Variants in EPB41L4A observed in about 807,000 individuals in gnomAD.
The protein encoded by EPB41L4A is erythrocyte membrane protein band 4.1 like 4A, also known as band 4.1-like protein 4A.
Under a neutral mutation model 108.6 loss-of-function variants are expected in EPB41L4A, and 100 were observed. The observed-to-expected ratio is 0.92, with a 90% confidence interval of 0.78 to 1.09. The LOEUF is 1.09. Among genes scored for constraint, EPB41L4A ranks in the 50% least tolerant of loss-of-function variants. The probability of loss-of-function intolerance (pLI) is 0.00; values close to 1 mark genes in which losing one functional copy is unlikely to be tolerated. For synonymous variants in EPB41L4A, 319 were observed against 289.0 expected, an observed-to-expected ratio of 1.10 and a Z score of -1.05; for missense variants, 1,030 against 842.7, an observed-to-expected ratio of 1.22 and a Z score of -2.75.
At chr5:112,285,629 T>G (rs1464712407) in intron 2 of EPB41L4A, among the ~76,000 whole-genome samples, 2 of 152,096 alleles carry the variant, frequency 1.3e-5, no homozygotes. Context: ...GAGGGAGAGA[T>G]AATTACAACT....
At chr5:112,317,661 A>G (rs994908367) in intron 1 of EPB41L4A, among the ~76,000 whole-genome samples, 2 of 152,240 alleles carry the variant, frequency 1.3e-5, no homozygotes, top group African/African-American at 4.8e-5. Flanking sequence ...CAGATGATGC[A>G]TAAAGTAGCT....
chr5:112,346,620 T>C (rs1049390879), intron 1 of EPB41L4A, among the ~76,000 whole-genome samples: 1 of 152,172 alleles, frequency 6.6e-6, no homozygotes, highest in Non-Finnish European at 1.5e-5. Flanking sequence ...TGAGTATAGA[T>C]CATTCTGGTT....
chr5:112,205,140 G>A (rs987811928), intron 14 of EPB41L4A, among the ~76,000 whole-genome samples: 17 of 152,186 alleles, frequency 1.1e-4, no homozygotes, highest in Non-Finnish European at 2.5e-4. Flanking sequence ...ATGCCATTTA[G>A]AGTTTTCAGA....
chr5:112,165,493 T>A (rs2150189050), intron 22 of EPB41L4A, among the ~76,000 whole-genome samples: 1 of 152,310 alleles, frequency 6.6e-6, no homozygotes, highest in Non-Finnish European at 1.5e-5. Flanking sequence ...CTGATTATAT[T>A]TTCAGTAGTC....
chr5:112,336,578 C>G (rs1318424927), intron 1 of EPB41L4A, among the ~76,000 whole-genome samples: 1 of 152,082 alleles, frequency 6.6e-6, no homozygotes, highest in East Asian at 1.9e-4. Context: ...TTTCCTGGTC[C>G]CCTTGTGATT....
intron 1 of EPB41L4A, among the ~76,000 whole-genome samples, chr5:112,416,621 A>G: frequency 6.6e-6 from 1 of 152,174 alleles, no homozygotes; most frequent in East Asian, 1.9e-4. Context: ...GAAAAACACC[A>G]TAATGGTAGC....
intron 1 of EPB41L4A, among the ~76,000 whole-genome samples, chr5:112,379,646 C>T (rs190695822): frequency 6.6e-5 from 10 of 152,336 alleles, no homozygotes; most frequent in African/African-American, 2.4e-4. Context: ...ATCTCACCAA[C>T]AGCAAACTGC....
At chr5:112,379,712 C>A (rs1011490542) in intron 1 of EPB41L4A, among the ~76,000 whole-genome samples, 2 of 152,176 alleles carry the variant, frequency 1.3e-5, no homozygotes, top group Non-Finnish European at 2.9e-5. Context: ...GAAGTCCTGG[C>A]CAGCATTTAC....
rs183503046 is a variant in EPB41L4A, at chr5:112,402,256, C to T, written c.99+16685G>A. ...GTAGAATGTGTCTGCTTCCCCCTCA[C>T]CTTCCACCACGATTGTAAGTTTCCT... On this transcript the variant is annotated intron_variant, in intron 1 of 22. Coordinates refer to ENST00000261486, the MANE Select transcript of EPB41L4A (RefSeq NM_022140.5). Among the ~76,000 whole-genome samples the T allele has an allele frequency of 3.1e-3, 471 of 152,292 alleles. 3 individuals are homozygous for T. Among genetic ancestry groups the T allele is most frequent in the Middle Eastern group, 0.01 (3 of 294 alleles).
Position 112,354,222 on chromosome 5 carries a change from T to C in EPB41L4A, c.100-46732A>G, listed in dbSNP as rs150183653. 9.3e-3 allele frequency among the ~76,000 whole-genome samples: 1,410 copies of C among 151,400 alleles called. 25 individuals are homozygous for C. Among genetic ancestry groups the C allele is most frequent in the African/African-American group, 0.033 (1,347 of 40,672 alleles). ...ATAAGAACTCATTATACGTTCCTCATCATTATTCCAAATGGATGTTGGAGA... is the reference window on the plus strand; with the variant it reads ...ATAAGAACTCATTATACGTTCCTCACCATTATTCCAAATGGATGTTGGAGA... On this transcript the variant is annotated intron_variant, in intron 1 of 22. Transcript: ENST00000261486.
Position 112,311,472 on chromosome 5 carries a change from A to C in EPB41L4A, c.100-3982T>G, listed in dbSNP as rs1337270726. On this transcript the variant is annotated intron_variant, in intron 1 of 22. Transcript: ENST00000261486. ...ATCTCACAGGCTCTATAGATATCAC[A>C]CTAATGGTTTCCCAGAGCTTTTTAT... Among the ~76,000 whole-genome samples, 49 of 152,302 alleles carry C rather than the reference A, an allele frequency of 3.2e-4. 1 individual carries two copies. Among genetic ancestry groups the C allele is most frequent in the Non-Finnish European group, 1.5e-5 (1 of 68,032 alleles).
intron 12 of EPB41L4A, chr5:112,228,831 G>T: frequency 1.4e-6 from 1 of 726,424 alleles, no homozygotes; most frequent in Non-Finnish European, 1.7e-6. Flanking sequence ...GAATGCTCTG[G>T]CTGCCTGCCC....
chr5:112,245,896 T>C (rs916011097), intron 9 of EPB41L4A, among the ~76,000 whole-genome samples: 2 of 151,802 alleles, frequency 1.3e-5, no homozygotes, highest in Admixed American at 6.6e-5. Context: ...GAAGAGAGAG[T>C]GCAACTCTCA....
intron 9 of EPB41L4A, among the ~76,000 whole-genome samples, chr5:112,246,528 C>T (rs186912487): frequency 8.3e-4 from 126 of 152,248 alleles, no homozygotes; most frequent in Middle Eastern, 3.4e-3. Context: ...CCTGCCTCTC[C>T]TTTTTGGTTC....
At chr5:112,393,237 G>A (rs1025416937) in intron 1 of EPB41L4A, among the ~76,000 whole-genome samples, 1 of 152,062 alleles carries the variant, frequency 6.6e-6, no homozygotes, top group Non-Finnish European at 1.5e-5. Context: ...AAATAACTAA[G>A]ATCAGAGCAG....
intron 6 of EPB41L4A, chr5:112,264,114 T>C (rs1193624524): frequency 2.0e-5 from 3 of 152,218 alleles, no homozygotes; most frequent in African/African-American, 4.8e-5. Flanking sequence ...CGCCCAGCCA[T>C]GTTTTTTTTC....
intron 2 of EPB41L4A, among the ~76,000 whole-genome samples, chr5:112,284,616 G>A (rs1235462584): frequency 6.6e-6 from 1 of 152,146 alleles, no homozygotes; most frequent in Non-Finnish European, 1.5e-5. Flanking sequence ...TTGTAGGAAG[G>A]TAACAATGAA....
chr5:112,176,091 A>G (rs1336113519), intron 18 of EPB41L4A, among the ~76,000 whole-genome samples: 3 of 152,170 alleles, frequency 2.0e-5, no homozygotes, highest in African/African-American at 7.2e-5. Context: ...GTGTTTCTAG[A>G]GAATAACTAA....
intron 3 of EPB41L4A, among the ~76,000 whole-genome samples, chr5:112,278,250 A>T (rs1235005682): frequency 2.7e-5 from 3 of 110,638 alleles, no homozygotes; most frequent in African/African-American, 5.5e-5. Context: ...CTTACTATAC[A>T]TCAATTTTTT....
Sources: allele counts gnomAD v4.1 joint callset (sites outside exome capture counted in the v4.1 genomes callset), GRCh38; gene constraint gnomAD v4.1.1; transcripts MANE v1.5; gene names NCBI Gene and HGNC (gene_info 2026-07-23, HGNC 2026-07-21).